REXO4: variants seen among roughly 807,000 people sequenced by gnomAD.
The protein encoded by REXO4 is REX4 homolog, 3'-5' exonuclease.
REXO4 carries 29 observed loss-of-function variants against 39.9 expected under a neutral mutation model. The observed-to-expected ratio is 0.73, with a 90% CI of 0.54 to 0.99. The LOEUF (loss-of-function observed/expected upper bound fraction) is 0.99. Among genes scored for constraint, REXO4 ranks in the 50% least tolerant of loss-of-function variants. The pLI, the probability that REXO4 is intolerant of heterozygous loss-of-function variation, is 0.00. For missense variants in REXO4, 524 were observed against 546.5 expected (o/e 0.96, Z 0.41); for synonymous variants, 184 against 206.2 (o/e 0.89, Z 0.92).
chr9:133,415,162 G>C lies in REXO4; in HGVS notation c.226-151C>G, dbSNP rs587735000. 7.2e-4 allele frequency: 484 copies of C among 671,286 alleles called. 2 individuals carry two copies. In the South Asian group the frequency reaches 0.01, roughly 14 times the overall value. 41.6% of individuals were successfully genotyped at this position (671,286 alleles called of 1,614,324 possible). ...GCATCACTGAAATTCATTTTCAAAC[G>C]GTTTGGAAAAAGCTCTTTTTCATTC... On this transcript the variant is annotated intron_variant, in intron 1 of 7. Coordinates refer to ENST00000371942, the MANE Select transcript of REXO4 (RefSeq NM_020385.4).
Position 133,414,747 on chromosome 9 carries a change from T to G in REXO4, c.490A>C (p.Asn164His), listed in dbSNP as rs782748541. 1.2e-6 allele frequency: 2 copies of G among 1,614,156 alleles called. No homozygotes were observed. The highest frequency in any genetic ancestry group is 1.7e-5 in the Admixed American group (1 of 60,012). The part of the protein sequence containing the change: ...HNKKGTKERT[N>H]GDIVPERGDI... Reference sequence around the variant, plus strand: ...CCTCGTTCTGGAACAATATCACCATTTGTCCTTTCCTTGGTTCCTTTCTTA... The same window carrying G: ...CCTCGTTCTGGAACAATATCACCATGTGTCCTTTCCTTGGTTCCTTTCTTA... The change falls in exon 2 of 8, where the codon AAT (asparagine) becomes CAT (histidine). Residue 164 changes from asparagine to histidine, a missense_variant. By Grantham distance (68) the Asn-to-His change is moderately conservative. Coordinates refer to ENST00000371942, the MANE Select transcript of REXO4 (RefSeq NM_020385.4).
chr9:133,409,800 C>G (rs1839116468), intron 5 of REXO4, among the ~76,000 whole-genome samples: 1 of 152,158 alleles, frequency 6.6e-6, no homozygotes, highest in South Asian at 2.1e-4. Flanking sequence ...CGGCCTCAAG[C>G]AATCCTCCAG....
chr9:133,414,612 C>A (rs587622413), intron 2 of REXO4, 53 bp downstream of exon 2: 2 of 1,527,390 alleles, frequency 1.3e-6, no homozygotes, highest in Admixed American at 1.7e-5. Context: ...GGAGACAGGC[C>A]TTGGTGAAGT....
intron 1 of REXO4, among the ~76,000 whole-genome samples, chr9:133,416,321 T>C (rs183839960): frequency 1.3e-5 from 2 of 152,272 alleles, no homozygotes; most frequent in African/African-American, 4.8e-5. Flanking sequence ...CATGACCCAA[T>C]ACCTCCTATG....
At chr9:133,414,092 TGA>T (rs1403339731) in intron 2 of REXO4, among the ~76,000 whole-genome samples, 2 of 152,226 alleles carry the variant, frequency 1.3e-5, no homozygotes. Flanking sequence ...CTTGTTTTTT[TGA>T]GAGTCTTGCT....
At chr9:133,411,938 A>G (rs1427990294) in intron 4 of REXO4, among the ~76,000 whole-genome samples, 1 of 152,042 alleles carries the variant, frequency 6.6e-6, no homozygotes, top group Non-Finnish European at 1.5e-5. Context: ...AAAAAAAATA[A>G]TAATTTTTTT....
At position 133,417,626 on chromosome 9, in the gene REXO4, C is replaced by T. The variant is rs1839738832; in HGVS notation, c.219G>A (p.Leu73=). The change falls in exon 1 of 8, where the codon CTG becomes CTA. Residue 73 remains leucine (L), a synonymous_variant. Transcript: ENST00000371942. ...GGGCCCCCTCAAGCCTCACCTCTTGCAGCGCCTTCCAGTTTTGAGAAAAGT... is the reference window on the plus strand; with the variant it reads ...GGGCCCCCTCAAGCCTCACCTCTTGTAGCGCCTTCCAGTTTTGAGAAAAGT... ...PEDFSQNWKA[L]QEWLLKQKSQ... 1.2e-6 allele frequency: 2 copies of T among 1,613,590 alleles called. No individual in the cohort carries two copies. Among genetic ancestry groups the T allele is most frequent in the Non-Finnish European group, 1.7e-6 (2 of 1,179,868 alleles).
chr9:133,408,282 T>C (rs2130706611), intron 6 of REXO4, among the ~76,000 whole-genome samples: 1 of 152,096 alleles, frequency 6.6e-6, no homozygotes, highest in Admixed American at 6.5e-5. Flanking sequence ...AGCAAGACCC[T>C]ATCTCTAAAA....
chr9:133,408,918 T>C, intron 5 of REXO4, 76 bp from the exon 6 acceptor site: 1 of 702,320 alleles, frequency 1.4e-6, no homozygotes, highest in Non-Finnish European at 2.4e-6. Flanking sequence ...CCCGCCACCT[T>C]TTGCAAGTAA....
chr9:133,415,127 A>T, intron 1 of REXO4, 116 bp from the exon 2 acceptor site: 3 of 770,980 alleles, frequency 3.9e-6, no homozygotes, highest in South Asian at 2.0e-5. Flanking sequence ...CATCTATACA[A>T]TTCCCATCCG....
intron 3 of REXO4, 66 bp downstream of exon 3, chr9:133,412,712 T>A: frequency 6.3e-7 from 1 of 1,587,278 alleles, no homozygotes; most frequent in Non-Finnish European, 8.6e-7. Flanking sequence ...ATCCTCTTCC[T>A]TGAAGAAGCC....
chr9:133,412,123 G>A (rs587651806), intron 4 of REXO4, among the ~76,000 whole-genome samples, 176 bp downstream of exon 4: 56 of 152,004 alleles, frequency 3.7e-4, no homozygotes, highest in Non-Finnish European at 6.3e-4. Flanking sequence ...GGCATAAATG[G>A]GTGTAAAGCC....
intron 1 of REXO4, among the ~76,000 whole-genome samples, chr9:133,417,324 G>A (rs1291076145): frequency 6.6e-6 from 1 of 152,174 alleles, no homozygotes; most frequent in African/African-American, 2.4e-5. Context: ...GCCTGGTTTC[G>A]GGATTTTAAG....
chr9:133,406,910 A>G lies in REXO4; in HGVS notation c.*43T>C, dbSNP rs201749579. 88 of 1,604,862 alleles carry G rather than the reference A, an allele frequency of 5.5e-5. No individual in the cohort carries two copies. Among genetic ancestry groups the G allele is most frequent in the Non-Finnish European group, 6.7e-5 (79 of 1,179,804 alleles). On this transcript the variant is annotated 3_prime_UTR_variant, in exon 8 of 8. Coordinates refer to ENST00000371942, the MANE Select transcript of REXO4 (RefSeq NM_020385.4). Reference sequence around the variant, plus strand: ...GTGATCTGTCCCTGTGACTGGTCACATTGCCTCTGTAGCGGGGCGGCAGCA... The same window carrying G: ...GTGATCTGTCCCTGTGACTGGTCACGTTGCCTCTGTAGCGGGGCGGCAGCA...
At position 133,406,759 on chromosome 9, in the gene REXO4, T is replaced by A; in HGVS notation, c.*194A>T. The A allele has an allele frequency of 1.2e-6, 1 of 802,464 alleles. No individual in the cohort carries two copies. Among genetic ancestry groups the A allele is most frequent in the Non-Finnish European group, 1.9e-6 (1 of 517,418 alleles). 49.7% of individuals were successfully genotyped at this position (802,464 alleles called of 1,614,324 possible). On this transcript the variant is annotated 3_prime_UTR_variant, in exon 8 of 8. Coordinates refer to ENST00000371942, the MANE Select transcript of REXO4 (RefSeq NM_020385.4). ...CTGACCATCCGGGCCCAAACACACATGGACAGTAAGACCAGGTTTCAGACC... is the reference window on the plus strand; with the variant it reads ...CTGACCATCCGGGCCCAAACACACAAGGACAGTAAGACCAGGTTTCAGACC...
chr9:133,409,752 G>A (rs1436801919), intron 5 of REXO4, among the ~76,000 whole-genome samples: 1 of 151,926 alleles, frequency 6.6e-6, no homozygotes, highest in Non-Finnish European at 1.5e-5. Context: ...TATAGAGATG[G>A]GGTCTCCCCT....
At chr9:133,417,585 G>C (rs373501821) in intron 1 of REXO4, 35 bp downstream of exon 1, 6 of 1,602,112 alleles carry the variant, frequency 3.7e-6, no homozygotes, top group Non-Finnish European at 5.1e-6. Context: ...GGAATGAGCT[G>C]CGCAGCGCTC....
intron 1 of REXO4, 110 bp downstream of exon 1, chr9:133,417,510 G>T: frequency 2.6e-6 from 3 of 1,141,878 alleles, no homozygotes; most frequent in South Asian, 1.4e-5. Context: ...ACAAGATTTC[G>T]ATTCAAATCT....
rs1839271180 is a variant in REXO4, at chr9:133,412,491, G to A, written c.718C>T (p.Leu240=). ...SLVKEQAFGG[L]TRALALDCEM... ...CAGTCCAAGGCTAAGGCTCTTGTCAGGCTGAAGGGTAACCAAAGGCTGTAG... is the reference window on the plus strand; with the variant it reads ...CAGTCCAAGGCTAAGGCTCTTGTCAAGCTGAAGGGTAACCAAAGGCTGTAG... Residue 240 remains leucine, a splice_region_variant and synonymous_variant, in exon 4 of 8, where the codon CTG becomes TTG. Transcript: ENST00000371942. 1 of 1,613,834 alleles carries A rather than the reference G, an allele frequency of 6.2e-7. No homozygotes were observed. The highest frequency in any genetic ancestry group is 1.3e-5 in the African/African-American group (1 of 74,926).
Sources: gnomAD v4.1 joint callset for allele counts (sites outside exome capture counted in the v4.1 genomes callset) on GRCh38, gnomAD v4.1.1 for gene constraint, MANE v1.5 for transcripts, NCBI Gene and HGNC (gene_info 2026-07-23, HGNC 2026-07-21) for gene names.